The following TMC5 variants were observed in gnomAD, a reference collection of about 807,000 sequenced individuals.
TMC5 encodes the protein transmembrane channel like 5.
TMC5 carries 86 observed loss-of-function variants against 110.5 expected under a neutral mutation model. The ratio of observed to expected loss-of-function variants is 0.78; its 90% CI spans 0.65 to 0.93. The LOEUF (loss-of-function observed/expected upper bound fraction) is 0.93. TMC5 is among the 40% of genes least tolerant of loss of function. The pLI, the probability that TMC5 is intolerant of heterozygous loss-of-function variation, is 0.00. For synonymous variants in TMC5, 455 were observed against 439.5 expected (o/e 1.04, Z -0.44); for missense variants, 1,144 against 1,222.8 (o/e 0.94, Z 0.96).
intron 8 of TMC5, among the ~76,000 whole-genome samples, chr16:19,464,829 A>T (rs1232474989): frequency 6.6e-6 from 1 of 151,640 alleles, no homozygotes; most frequent in Non-Finnish European, 1.5e-5. Flanking sequence ...ATTTTGAGAT[A>T]TATCTTTGTA....
At chr16:19,432,721 T>G (rs1967219452) in intron 2 of TMC5, among the ~76,000 whole-genome samples, 1 of 152,224 alleles carries the variant, frequency 6.6e-6, no homozygotes, top group Admixed American at 6.5e-5. Flanking sequence ...GAAACAGATG[T>G]GCAATACACA....
chr16:19,464,260 A>C (rs149180668), intron 8 of TMC5, among the ~76,000 whole-genome samples: 9 of 152,322 alleles, frequency 5.9e-5, no homozygotes, highest in South Asian at 2.1e-4. Context: ...CCCCGTCTCT[A>C]CAAAAATGCA....
chr16:19,460,167 C>A, intron 5 of TMC5, 68 bp from the exon 6 acceptor site: 1 of 1,237,488 alleles, frequency 8.1e-7, no homozygotes, highest in Non-Finnish European at 1.2e-6. Flanking sequence ...CTGACTTCAG[C>A]ACCACATTTC....
Position 19,494,284 on chromosome 16 carries a change from T to C in TMC5, c.2849T>C (p.Leu950Pro). ...TAGGAGGGCAAAGATAAAATGTTCC[T>C]GATAGAAAAATTGATCAAGCTGCAG... ...IINEGKDKMF[L>P]IEKLIKLQDM... is the part of the protein sequence containing the mutation. The change falls in exon 20 of 22, where the codon CTG becomes CCG. Residue 950 changes from leucine (L) to proline (P), a missense_variant. Coordinates refer to ENST00000542583, the MANE Select transcript of TMC5 (RefSeq NM_001261841.2). 1 of 1,612,928 alleles carries C rather than the reference T, an allele frequency of 6.2e-7. No individual in the cohort carries two copies. The highest frequency in any genetic ancestry group is 8.5e-7 in the Non-Finnish European group (1 of 1,179,478).
At chr16:19,485,840 G>A (rs1375013188) in intron 15 of TMC5, among the ~76,000 whole-genome samples, 1 of 152,192 alleles carries the variant, frequency 6.6e-6, no homozygotes, top group African/African-American at 2.4e-5. Flanking sequence ...TTGCTCACGA[G>A]CACCGCGGGA....
At chr16:19,481,533 C>G (rs1472468898) in intron 15 of TMC5, 68 bp downstream of exon 15, 1 of 1,151,008 alleles carries the variant, frequency 8.7e-7, no homozygotes, top group Non-Finnish European at 1.3e-6. Context: ...GTTTTGGTGG[C>G]AAAGTCCCAG....
At chr16:19,468,484 C>T (rs1249235015) in intron 9 of TMC5, among the ~76,000 whole-genome samples, 1 of 152,142 alleles carries the variant, frequency 6.6e-6, no homozygotes, top group Non-Finnish European at 1.5e-5. Context: ...CGACCCCCCC[C>T]AGAGAAGTCT....
chr16:19,443,033 A>G (rs1319823749), intron 3 of TMC5, among the ~76,000 whole-genome samples: 1 of 152,176 alleles, frequency 6.6e-6, no homozygotes, highest in Non-Finnish European at 1.5e-5. Flanking sequence ...CGTCGTGTTA[A>G]TGTAAGATGC....
At chr16:19,487,766 A>G (rs1015996632) in intron 17 of TMC5, 6 of 151,904 alleles carry the variant, frequency 3.9e-5, no homozygotes, top group Non-Finnish European at 8.8e-5. Flanking sequence ...TAATGTAGGT[A>G]TGGTGAAGCC....
chr16:19,480,532 C>T (rs924848375), intron 14 of TMC5, among the ~76,000 whole-genome samples: 1 of 152,068 alleles, frequency 6.6e-6, no homozygotes, highest in Admixed American at 6.5e-5. Context: ...TGGCCGGGCA[C>T]AGTGACTCAT....
chr16:19,479,565 T>C (rs755504564), intron 14 of TMC5, 37 bp downstream of exon 14: 1 of 1,443,412 alleles, frequency 6.9e-7, no homozygotes, highest in Admixed American at 1.7e-5. Context: ...TAGGGCCTGA[T>C]GCTGTAAACA....
intron 7 of TMC5, 34 bp from the exon 8 acceptor site, chr16:19,463,742 A>T: frequency 6.2e-7 from 1 of 1,605,112 alleles, no homozygotes; most frequent in Admixed American, 1.7e-5. Context: ...TTGAGTCAAC[A>T]GCAAGCCACA....
chr16:19,462,147 G>A (rs1197537023), intron 6 of TMC5, among the ~76,000 whole-genome samples: 1 of 152,188 alleles, frequency 6.6e-6, no homozygotes, highest in African/African-American at 2.4e-5. Context: ...TTTGAACTCT[G>A]TATGGCTGCC....
chr16:19,489,227 A>AG (rs1968824509), intron 17 of TMC5, among the ~76,000 whole-genome samples: 1 of 152,230 alleles, frequency 6.6e-6, no homozygotes, highest in Non-Finnish European at 1.5e-5. Flanking sequence ...GCAGGAATGC[A>AG]GGGGCGCAAT....
chr16:19,475,904 A>G (rs1056648714), intron 12 of TMC5, among the ~76,000 whole-genome samples: 3 of 147,958 alleles, frequency 2.0e-5, no homozygotes, highest in Non-Finnish European at 3.0e-5. Context: ...ACTTCCTGAC[A>G]TATTTGTATT....
intron 1 of TMC5, among the ~76,000 whole-genome samples, chr16:19,420,755 G>A (rs981288513): frequency 5.9e-5 from 9 of 152,066 alleles, no homozygotes; most frequent in African/African-American, 1.2e-4. Context: ...GAGCCATCTC[G>A]CCTGTCTGAA....
intron 12 of TMC5, among the ~76,000 whole-genome samples, chr16:19,474,557 G>C (rs1181264124): frequency 4.6e-5 from 7 of 152,056 alleles, no homozygotes; most frequent in Admixed American, 4.6e-4. Flanking sequence ...GCACCTGTTA[G>C]TGCCAGCTAC....
chr16:19,463,449 A>G lies in TMC5; in HGVS notation c.1236+82A>G, dbSNP rs1160246833. The stretch of plus-strand genomic sequence containing the variant: ...GGATGAAAGGGGACTCAGGGGGAAG[A>G]TGAACCAAAAATCAGAGCAATTTCA... On this transcript the variant is annotated intron_variant, in intron 7 of 21. Coordinates refer to ENST00000542583, the MANE Select transcript of TMC5 (RefSeq NM_001261841.2). The G allele has an allele frequency of 5.9e-5, 69 of 1,177,936 alleles. 2 individuals carry two copies. In the South Asian group the frequency reaches 7.8e-4, roughly 13 times the overall value. The allele number at this position is 1,177,936 out of a possible 1,614,324, so 73.0% of individuals were successfully genotyped here. A position where few individuals can be genotyped will look rare whatever the true frequency, so the allele number is the denominator to read the frequency against.
chr16:19,469,785 C>T lies in TMC5; in HGVS notation c.1742C>T (p.Ala581Val). ...GACTTCACTGTCACTCATGAAAAAG[C>T]TGTGAAGCTAAAACAGAAGAATCTT... ...CWDFTVTHEKAVKLKQKNLST... is the reference protein window; with the variant it reads ...CWDFTVTHEKVVKLKQKNLST... Residue 581 changes from alanine to valine, a missense_variant, in exon 10 of 22, where the codon GCT becomes GTT. Physicochemically the swap from Ala to Val is moderately conservative, Grantham distance 64 (BLOSUM62 0). Transcript: ENST00000542583. 9 of 1,614,154 alleles carry T rather than the reference C, an allele frequency of 5.6e-6. No homozygotes were observed. Among genetic ancestry groups the T allele is most frequent in the Non-Finnish European group, 7.6e-6 (9 of 1,180,000 alleles).
Sources: gnomAD v4.1 joint callset for allele counts (sites outside exome capture counted in the v4.1 genomes callset) on GRCh38, gnomAD v4.1.1 for gene constraint, MANE v1.5 for transcripts, NCBI Gene and HGNC (gene_info 2026-07-23, HGNC 2026-07-21) for gene names.